Variants in JPH1 observed in about 807,000 individuals in gnomAD.
JPH1 encodes the protein junctophilin 1, also known as junctophilin-1.
A neutral mutation model predicts 53.6 loss-of-function variants in JPH1; 12 were observed. The observed-to-expected ratio is 0.22, with a 90% CI of 0.14 to 0.36. JPH1 has a LOEUF of 0.36. Among genes scored for constraint, JPH1 ranks in the 10% least tolerant of loss-of-function variants. JPH1 has a pLI of 1.00. For synonymous variants in JPH1, 375 were observed against 363.8 expected (o/e 1.03, Z -0.35); for missense variants, 808 against 905.5 (o/e 0.89, Z 1.38).
intron 3 of JPH1, among the ~76,000 whole-genome samples, chr8:74,250,124 T>A (rs1805995884): frequency 6.6e-6 from 1 of 151,196 alleles, no homozygotes; most frequent in South Asian, 2.1e-4. Context: ...AATGAATCTC[T>A]CGACTAAAAG....
At chr8:74,314,121 T>C (rs1178907966) in intron 2 of JPH1, among the ~76,000 whole-genome samples, 2 of 152,206 alleles carry the variant, frequency 1.3e-5, no homozygotes, top group Non-Finnish European at 2.9e-5. Context: ...CTTGGCACAT[T>C]GAGAGTCCCA....
chr8:74,286,401 T>C (rs573729324), intron 2 of JPH1, among the ~76,000 whole-genome samples: 13 of 152,242 alleles, frequency 8.5e-5, no homozygotes, highest in African/African-American at 1.9e-4. Flanking sequence ...ACTTTAAACA[T>C]TGATCATTTC....
At chr8:74,286,059 AC>A (rs1178333001) in intron 2 of JPH1, among the ~76,000 whole-genome samples, 1 of 152,204 alleles carries the variant, frequency 6.6e-6, no homozygotes, top group East Asian at 1.9e-4. Context: ...CAGGGCAAGA[AC>A]CTGGTCTATT....
chr8:74,302,959 G>T (rs73689718), intron 2 of JPH1, among the ~76,000 whole-genome samples: 2 of 136,752 alleles, frequency 1.5e-5, no homozygotes, highest in Admixed American at 7.4e-5. Context: ...GCCAAGAAAA[G>T]AAAAAAAAAA....
At chr8:74,293,460 A>G (rs1224629175) in intron 2 of JPH1, among the ~76,000 whole-genome samples, 1 of 152,152 alleles carries the variant, frequency 6.6e-6, no homozygotes, top group Non-Finnish European at 1.5e-5. Context: ...CATTTTACAG[A>G]TGGGGAAACT....
intron 3 of JPH1, among the ~76,000 whole-genome samples, chr8:74,247,991 A>T (rs1053488095): frequency 6.6e-6 from 1 of 152,198 alleles, no homozygotes; most frequent in African/African-American, 2.4e-5. Flanking sequence ...TGTATTAATG[A>T]ACTTATGAAG....
chr8:74,292,652 AAAAC>A (rs201720778), intron 2 of JPH1, among the ~76,000 whole-genome samples: 22 of 152,192 alleles, frequency 1.4e-4, no homozygotes, highest in South Asian at 2.1e-4. Flanking sequence ...CTGCTGTTAA[AAAAC>A]AAACAAACAG....
At chr8:74,285,745 T>C (rs1302170002) in intron 2 of JPH1, among the ~76,000 whole-genome samples, 1 of 152,224 alleles carries the variant, frequency 6.6e-6, no homozygotes, top group Non-Finnish European at 1.5e-5. Flanking sequence ...TTTTCTAAAA[T>C]CCAGTTCTGA....
At chr8:74,254,418 C>G (rs1194469342) in intron 3 of JPH1, among the ~76,000 whole-genome samples, 1 of 152,160 alleles carries the variant, frequency 6.6e-6, no homozygotes. Flanking sequence ...CTATGTATGA[C>G]AAACCCACAG....
At chr8:74,297,739 A>T (rs925604718) in intron 2 of JPH1, among the ~76,000 whole-genome samples, 18 of 152,360 alleles carry the variant, frequency 1.2e-4, no homozygotes, top group African/African-American at 4.3e-4. Context: ...AGGCAAAGAA[A>T]GTTATAGATG....
chr8:74,311,364 A>G (rs1259004628), intron 2 of JPH1, among the ~76,000 whole-genome samples: 1 of 152,214 alleles, frequency 6.6e-6, no homozygotes, highest in Non-Finnish European at 1.5e-5. Flanking sequence ...AACAGCAACC[A>G]TAGAGGGGTC....
At chr8:74,268,954 TTTATAAATAC>T (rs1474005921) in intron 2 of JPH1, among the ~76,000 whole-genome samples, 3 of 152,162 alleles carry the variant, frequency 2.0e-5, no homozygotes, top group Non-Finnish European at 1.5e-5. Flanking sequence ...ATGATTCCAT[TTTATAAATAC>T]TTATAAATAC....
chr8:74,320,801 C>A lies in JPH1; in HGVS notation c.379+108G>T. ...TGGGAGGCGCCCCCAGGTGTTTTGG[C>A]GGGTTTCCGGACACGTGCGCCCGGC... On this transcript the variant is annotated intron_variant, in intron 1 of 5. Transcript: ENST00000342232. This position sits in a 1 kb window ranked among gnomAD's most constrained non-coding sequence, Gnocchi z 4.4. The A allele has an allele frequency of 7.7e-7, 1 of 1,307,058 alleles. No homozygotes were observed. Among genetic ancestry groups the A allele is most frequent in the Admixed American group, 3.7e-5 (1 of 27,196 alleles). The allele number at this position is 1,307,058 out of a possible 1,614,324, so 81.0% of individuals were successfully genotyped here.
intron 2 of JPH1, among the ~76,000 whole-genome samples, chr8:74,282,422 A>C (rs911284688): frequency 1.3e-5 from 2 of 152,214 alleles, no homozygotes; most frequent in Non-Finnish European, 2.9e-5. Context: ...GAAAGCTTTA[A>C]GTTTTTTTCT....
In JPH1 at chr8:74,315,375, CCTT is replaced by C. The variant is rs773032796; in HGVS notation, c.622_624del (p.Lys208del). 20 of 1,612,616 alleles carry C rather than the reference CCTT, an allele frequency of 1.2e-5. No homozygotes were observed. Among genetic ancestry groups the C allele is most frequent in the African/African-American group, 1.3e-5 (1 of 74,904 alleles). ...AGGGAGCCCCTCCGGAAGAGGCCGC[CCTT>C]CTTCTTGCCCGCTAGCTCAGCGTCT... On this transcript the variant is annotated inframe_deletion, in exon 2 of 6. Coordinates refer to ENST00000342232, the MANE Select transcript of JPH1 (RefSeq NM_020647.4). This position sits in a 1 kb window ranked among gnomAD's most constrained non-coding sequence, Gnocchi z 6.3.
At chr8:74,283,451 T>C (rs192617215) in intron 2 of JPH1, among the ~76,000 whole-genome samples, 1 of 152,238 alleles carries the variant, frequency 6.6e-6, no homozygotes, top group Non-Finnish European at 1.5e-5. Context: ...CTTGCACTGA[T>C]GGTTGCATAC....
At chr8:74,278,201 T>C (rs576979534) in intron 2 of JPH1, among the ~76,000 whole-genome samples, 3 of 152,020 alleles carry the variant, frequency 2.0e-5, no homozygotes, top group East Asian at 1.9e-4. Context: ...GTAAGTCTCA[T>C]GAGATCTGAT....
chr8:74,268,372 G>C (rs1016401507), intron 2 of JPH1, among the ~76,000 whole-genome samples: 9 of 152,136 alleles, frequency 5.9e-5, no homozygotes, highest in Non-Finnish European at 1.5e-5. Context: ...GAAGGGAAAA[G>C]GTGGCTTTGA....
At chr8:74,319,575 G>C (rs777716458) in intron 1 of JPH1, among the ~76,000 whole-genome samples, 2 of 152,218 alleles carry the variant, frequency 1.3e-5, no homozygotes, top group Non-Finnish European at 2.9e-5. Context: ...AGGATGAAAA[G>C]ATGTCCTTTT....
Sources: allele counts gnomAD v4.1 joint callset (sites outside exome capture counted in the v4.1 genomes callset), GRCh38; gene constraint gnomAD v4.1.1; non-coding constraint Gnocchi (gnomAD v3.1); transcripts MANE v1.5; gene names NCBI Gene and HGNC (gene_info 2026-07-23, HGNC 2026-07-21).